Variants in PSME4 observed in about 807,000 individuals in gnomAD.
PSME4 encodes proteasome activator complex subunit 4.
In PSME4, 89 loss-of-function variants were observed where a neutral mutation model predicts 253.9. That is an observed-to-expected ratio of 0.35 (90% CI 0.30 to 0.42). PSME4 has a LOEUF of 0.42. Ranked by LOEUF, PSME4 falls within the 10% of genes least tolerant of loss-of-function variation. The pLI is 1.00. For synonymous variants in PSME4, 851 were observed against 759.2 expected (o/e 1.12, Z -1.99); for missense variants, 2,014 against 2,195.2 (o/e 0.92, Z 1.65).
rs376946567 is a variant in PSME4 at position 53,904,201 on chromosome 2, G to C, written c.2944-45C>G. The C allele has an allele frequency of 1.1e-5, 17 of 1,500,556 alleles. No homozygotes were observed. In the African/African-American group the frequency reaches 1.7e-4, roughly 15 times the overall value. The allele number at this position is 1,500,556 out of a possible 1,614,324, so 93.0% of individuals were successfully genotyped here. On this transcript the variant is annotated intron_variant, in intron 26 of 46. Coordinates refer to ENST00000404125, the MANE Select transcript of PSME4 (RefSeq NM_014614.3). ...CAAAGGACTTTTATTAAATAGTAAA[G>C]TACAAAGCAGTTTAAAACAAATTAT...
chr2:53,951,877 G>T (rs969234533), intron 1 of PSME4, among the ~76,000 whole-genome samples: 6 of 152,116 alleles, frequency 3.9e-5, no homozygotes, highest in African/African-American at 1.4e-4. Context: ...CCCTAAAATG[G>T]TAACGCACGT....
In PSME4 at chr2:53,900,028, A is replaced by G. The variant is rs762230056; in HGVS notation, c.3286-11T>C. Reference sequence around the variant, plus strand: ...ACATGACTTTGGAATCTTGTTAAAAAGAAAAAAGCAGGAAAAAAAATGAAG... The same window carrying G: ...ACATGACTTTGGAATCTTGTTAAAAGGAAAAAAGCAGGAAAAAAAATGAAG... On this transcript the variant is annotated splice_polypyrimidine_tract_variant and intron_variant, in intron 28 of 46. Coordinates refer to ENST00000404125, the MANE Select transcript of PSME4 (RefSeq NM_014614.3). 1.5e-5 allele frequency: 24 copies of G among 1,606,916 alleles called. No homozygotes were observed. Among genetic ancestry groups the G allele is most frequent in the Non-Finnish European group, 2.0e-5 (24 of 1,177,696 alleles).
At chr2:53,940,334 A>G (rs1204207747) in intron 3 of PSME4, among the ~76,000 whole-genome samples, 1 of 152,146 alleles carries the variant, frequency 6.6e-6, no homozygotes, top group African/African-American at 2.4e-5. Flanking sequence ...TTAAAACTTC[A>G]AATAATTTTT....
rs973354107 is a variant in PSME4, at chr2:53,919,260, A to T, written c.2421-14T>A. 3 of 1,563,332 alleles carry T rather than the reference A, an allele frequency of 1.9e-6. No homozygotes were observed. The highest frequency in any genetic ancestry group is 2.8e-5 in the African/African-American group (2 of 71,554). On this transcript the variant is annotated splice_polypyrimidine_tract_variant and intron_variant, in intron 19 of 46. Coordinates refer to ENST00000404125, the MANE Select transcript of PSME4 (RefSeq NM_014614.3). ...AGAATATCATCTCTAGAAAAAAAAA[A>T]AAGACATTTTCATATTTCCAAATCC...
intron 1 of PSME4, among the ~76,000 whole-genome samples, chr2:53,966,487 C>A (rs1404930439): frequency 2.0e-5 from 3 of 151,784 alleles, no homozygotes; most frequent in Non-Finnish European, 4.4e-5. Flanking sequence ...CATGGGGAAA[C>A]CCTGTCTCTA....
At chr2:53,896,691 G>C (rs1294104001) in intron 32 of PSME4, 113 bp downstream of exon 32, 1 of 735,684 alleles carries the variant, frequency 1.4e-6, no homozygotes, top group Non-Finnish European at 2.3e-6. Context: ...TTTATATTTT[G>C]TGTTAATATC....
At chr2:53,914,843 C>A (rs925820784) in intron 20 of PSME4, among the ~76,000 whole-genome samples, 1 of 152,102 alleles carries the variant, frequency 6.6e-6, no homozygotes, top group Non-Finnish European at 1.5e-5. Flanking sequence ...ATTGTGCCAC[C>A]GCACTCCAGC....
In PSME4 at chr2:53,940,998, T is replaced by TATATATATGTATATGA. The variant is rs1553338492; in HGVS notation, c.501-999_501-998insTCATATACATATATAT. Among the ~76,000 whole-genome samples the TATATATATGTATATGA allele has an allele frequency of 4.7e-5, 4 of 85,908 alleles. 1 individual carries two copies. Among genetic ancestry groups the TATATATATGTATATGA allele is most frequent in the Non-Finnish European group, 7.4e-5 (3 of 40,442 alleles). The allele number at this position is 85,908 out of a possible 152,430, so 56.4% of individuals were successfully genotyped here. ...ATATATATATATATATATATATATA[T>TATATATATGTATATGA]ATGAAAGGAGTAAGTTTCAGGCAAT... On this transcript the variant is annotated intron_variant, in intron 3 of 46. Coordinates refer to ENST00000404125, the MANE Select transcript of PSME4 (RefSeq NM_014614.3).
Position 53,949,155 on chromosome 2 carries a change from A to T in PSME4, c.371T>A (p.Ile124Asn). ...SMMQGFARLL[I>N]NLLKKKELLS... ...GAAAAAGACTTACTTTAACAAGTTG[A>T]TCAAAAGGCGGGCAAATCCCTGCAT... The change falls in exon 2 of 47, where the codon ATC (isoleucine) becomes AAC (asparagine). Residue 124 changes from isoleucine to asparagine, a missense_variant. By Grantham distance (149) the Ile-to-Asn change is moderately radical. Transcript: ENST00000404125. 4 of 1,596,808 alleles carry T rather than the reference A, an allele frequency of 2.5e-6. No homozygotes were observed. Among genetic ancestry groups the T allele is most frequent in the Non-Finnish European group, 3.4e-6 (4 of 1,171,618 alleles).
chr2:53,943,439 TATCTTATC>T lies in PSME4; in HGVS notation c.501-3447_501-3440del, dbSNP rs369171326. 5.6e-3 allele frequency among the ~76,000 whole-genome samples: 849 copies of T among 152,354 alleles called. 2 individuals are homozygous for T. Among genetic ancestry groups the T allele is most frequent in the Non-Finnish European group, 9.4e-3 (637 of 68,040 alleles). On this transcript the variant is annotated intron_variant, in intron 3 of 46. Transcript: ENST00000404125. ...AGTTAGTTAGACATTATCCATCTCA[TATCTTATC>T]TTCAAAATCTAATATTGATTGCTCA...
In PSME4 at chr2:53,887,277, T is replaced by C. The variant is rs773749722; in HGVS notation, c.4711A>G (p.Ile1571Val). The change falls in exon 40 of 47, where the codon ATT (isoleucine) becomes GTT (valine). Residue 1571 changes from isoleucine to valine, a missense_variant. Around this residue, in one of 4 missense-constraint regions of PSME4, gnomAD observed 403 missense variants for 556.1 expected, o/e 0.72. Transcript: ENST00000404125. Reference sequence around the variant, plus strand: ...CACTCACTGGTTTTCAAGAGTTTAATGCCCTGAGTTCGCTCATCTTCTTCA... The same window carrying C: ...CACTCACTGGTTTTCAAGAGTTTAACGCCCTGAGTTCGCTCATCTTCTTCA... ...IGEEDERTQG[I>V]KLLKTILKWL... The C allele has an allele frequency of 5.0e-6, 8 of 1,613,532 alleles. No individual in the cohort carries two copies. The highest frequency in any genetic ancestry group is 1.7e-5 in the Admixed American group (1 of 60,012).
In PSME4 at chr2:53,898,196, G is replaced by T. The variant is rs550252795; in HGVS notation, c.3476+105C>A. ...AATCTGCTTCCAAATACACAAACCG[G>T]AATATAACTTTTTGTGACATAGTCA... is the stretch of plus-strand genomic sequence containing the variant. On this transcript the variant is annotated intron_variant, in intron 30 of 46. Transcript: ENST00000404125. The T allele has an allele frequency of 1.5e-5, 19 of 1,249,196 alleles. No homozygotes were observed. In the African/African-American group the frequency reaches 2.3e-4, roughly 15 times the overall value. The allele number at this position is 1,249,196 out of a possible 1,614,324, so 77.4% of individuals were successfully genotyped here. A position where few individuals can be genotyped will look rare whatever the true frequency, so the allele number is the denominator to read the frequency against.
At chr2:53,890,041 G>C in intron 37 of PSME4, 63 bp downstream of exon 37, 1 of 1,243,292 alleles carries the variant, frequency 8.0e-7, no homozygotes, top group Non-Finnish European at 1.2e-6. Context: ...CACACACTTT[G>C]AGAGACAGTA....
In PSME4 at chr2:53,947,276, G is replaced by A. The variant is rs559222353; in HGVS notation, c.500+1145C>T. Among the ~76,000 whole-genome samples, 5 of 152,242 alleles carry A rather than the reference G, an allele frequency of 3.3e-5. No individual in the cohort carries two copies. In the East Asian group the frequency reaches 9.7e-4, roughly 29 times the overall value. ...GCTGAGGGTTAATCATAGATTAAAT[G>A]AATTTAACAAGACATAATGAAATAA... On this transcript the variant is annotated intron_variant, in intron 3 of 46. Transcript: ENST00000404125.
chr2:53,937,656 AAC>A (rs1669186089), intron 4 of PSME4, 116 bp from the exon 5 acceptor site: 1 of 938,060 alleles, frequency 1.1e-6, no homozygotes, highest in Non-Finnish European at 1.6e-6. Flanking sequence ...CATAGCATGT[AAC>A]ACAGTCTACA....
intron 2 of PSME4, among the ~76,000 whole-genome samples, chr2:53,948,935 G>A (rs1669847338): frequency 6.6e-6 from 1 of 152,212 alleles, no homozygotes; most frequent in African/African-American, 2.4e-5. Context: ...ATGGGTGCTA[G>A]AGAAGAGACC....
chr2:53,942,470 G>C (rs1037584806), intron 3 of PSME4, among the ~76,000 whole-genome samples: 1 of 151,832 alleles, frequency 6.6e-6, no homozygotes. Context: ...GGTTGAAAAA[G>C]AAAGCCACAG....
intron 1 of PSME4, among the ~76,000 whole-genome samples, chr2:53,960,070 C>A (rs1273067995): frequency 1.3e-5 from 2 of 152,106 alleles, no homozygotes; most frequent in Non-Finnish European, 2.9e-5. Flanking sequence ...GAAGAGGCAA[C>A]CTGAGGTCAA....
At chr2:53,920,469 A>C in intron 18 of PSME4, 119 bp from the exon 19 acceptor site, 1 of 1,025,112 alleles carries the variant, frequency 9.8e-7, no homozygotes, top group Non-Finnish European at 1.4e-6. Context: ...TCCAAACCTA[A>C]GGTAGCAAAT....
Sources: allele counts gnomAD v4.1 joint callset (sites outside exome capture counted in the v4.1 genomes callset), GRCh38; gene constraint gnomAD v4.1.1; regional missense constraint gnomAD v4.1.1; transcripts MANE v1.5; gene names NCBI Gene and HGNC (gene_info 2026-07-23, HGNC 2026-07-21).